MYO10: variants seen among roughly 807,000 people sequenced by gnomAD.
MYO10 encodes myosin X.
Under a neutral mutation model 257.3 loss-of-function variants are expected in MYO10, and 133 were observed. The ratio of observed to expected loss-of-function variants is 0.52; its 90% CI spans 0.45 to 0.60. The LOEUF is 0.60. MYO10 is among the 20% of genes least tolerant of loss of function. The probability of loss-of-function intolerance (pLI) is 0.00; values close to 1 mark genes in which losing one functional copy is unlikely to be tolerated. For missense variants in MYO10, 2,399 were observed against 2,635.7 expected, an observed-to-expected ratio of 0.91 and a Z score of 1.97; for synonymous variants, 1,104 against 1,028.6, an observed-to-expected ratio of 1.07 and a Z score of -1.40.
chr5:16,800,403 A>G (rs908050791), intron 3 of MYO10, among the ~76,000 whole-genome samples: 2 of 152,200 alleles, frequency 1.3e-5, no homozygotes, highest in Non-Finnish European at 2.9e-5. Flanking sequence ...ACTTAAAAAT[A>G]TATTTTTAAA....
At chr5:16,745,458 G>A (rs1740163996) in intron 19 of MYO10, among the ~76,000 whole-genome samples, 1 of 152,210 alleles carries the variant, frequency 6.6e-6, no homozygotes, top group African/African-American at 2.4e-5. Flanking sequence ...GGCCAAAGCA[G>A]GAGAATCGCT....
chr5:16,697,467 C>T (rs1737805119), intron 26 of MYO10, among the ~76,000 whole-genome samples: 1 of 152,112 alleles, frequency 6.6e-6, no homozygotes, highest in Non-Finnish European at 1.5e-5. Flanking sequence ...TTTGGGAGGC[C>T]AAGGAGGGCA....
chr5:16,670,402 GAAT>G, intron 39 of MYO10, 121 bp downstream of exon 39: 4 of 812,224 alleles, frequency 4.9e-6, no homozygotes, highest in Non-Finnish European at 7.6e-6. Context: ...CTGGGGGCTC[GAAT>G]AAAAGAGGTT....
Position 16,711,243 on chromosome 5 carries a change from C to T in MYO10, c.1932G>A (p.Met644Ile), listed in dbSNP as rs1193105460. 2 of 1,564,474 alleles carry T rather than the reference C, an allele frequency of 1.3e-6. No homozygotes were observed. The highest frequency in any genetic ancestry group is 1.7e-6 in the Non-Finnish European group (2 of 1,158,660). ...CAACCGCCTGGTCAAACTGGTCTGG[C>T]ATCTAAACCATGCAAAAAAAAAAGA... is the stretch of plus-strand genomic sequence containing the variant. Reference protein sequence around the residue: ...VRCIKPNMQKMPDQFDQAVVL... With the variant: ...VRCIKPNMQKIPDQFDQAVVL... The change falls in exon 20 of 41, where the codon ATG (methionine) becomes ATA (isoleucine). Residue 644 changes from methionine to isoleucine, a missense_variant and splice_region_variant. Physicochemically the swap from Met to Ile is conservative, Grantham distance 10. Transcript: ENST00000513610.
At position 16,902,782 on chromosome 5, in the gene MYO10, G is replaced by GT. The variant is rs561975180; in HGVS notation, c.22-25076dup. On this transcript the variant is annotated intron_variant, in intron 1 of 40. Coordinates refer to ENST00000513610, the MANE Select transcript of MYO10 (RefSeq NM_012334.3). ...GTCCCAAAGTGCCGGGATTACAGGC[G>GT]TAAGCCACCGTGCCCAGGGCCATCT... 5.3e-4 allele frequency: 329 copies of GT among 623,340 alleles called. 2 individuals carry two copies. Among genetic ancestry groups the GT allele is most frequent in the South Asian group, 5.2e-3 (270 of 51,732 alleles). The allele number at this position is 623,340 out of a possible 1,614,324, so 38.6% of individuals were successfully genotyped here. A position where few individuals can be genotyped will look rare whatever the true frequency, so the allele number is the denominator to read the frequency against.
intron 4 of MYO10, among the ~76,000 whole-genome samples, chr5:16,784,283 A>G (rs1187600815): frequency 6.6e-6 from 1 of 152,238 alleles, no homozygotes; most frequent in African/African-American, 2.4e-5. Flanking sequence ...GGCAGAGAAG[A>G]TGAGCTGAGG....
chr5:16,842,576 C>G (rs371324440), intron 2 of MYO10, among the ~76,000 whole-genome samples: 1 of 152,260 alleles, frequency 6.6e-6, no homozygotes, highest in African/African-American at 2.4e-5. Context: ...GGTAAGAATA[C>G]TTCCCCCTTC....
At chr5:16,932,273 A>G (rs1421155842) in intron 1 of MYO10, among the ~76,000 whole-genome samples, 1 of 152,218 alleles carries the variant, frequency 6.6e-6, no homozygotes, top group African/African-American at 2.4e-5. Flanking sequence ...GAGATCTTGT[A>G]TTTGAACAGA....
chr5:16,669,275 G>A (rs1036203754), intron 39 of MYO10, among the ~76,000 whole-genome samples: 7 of 151,040 alleles, frequency 4.6e-5, no homozygotes, highest in Admixed American at 1.3e-4. Context: ...GTGCAGTGGC[G>A]TGATCCTGGC....
rs929786091 is a variant in MYO10, at chr5:16,665,048, CAA to C, written c.*1642_*1643del. On this transcript the variant is annotated 3_prime_UTR_variant, in exon 41 of 41. Coordinates refer to ENST00000513610, the MANE Select transcript of MYO10 (RefSeq NM_012334.3). ...TGAAACCCCATCTCTACTAAAAATA[CAA>C]AACCTAGCCAGGCGTGGTGATGCAT... 24 of 152,042 alleles carry C rather than the reference CAA, an allele frequency of 1.6e-4. No homozygotes were observed. Among genetic ancestry groups the C allele is most frequent in the Admixed American group, 1.5e-3 (23 of 15,252 alleles). 9.4% of individuals were successfully genotyped at this position (152,042 alleles called of 1,614,324 possible).
rs1170250381 is a variant in MYO10 at position 16,673,682 on chromosome 5, C to T, written c.5172G>A (p.Glu1724=). Residue 1724 remains glutamate (E), a splice_region_variant and synonymous_variant, in exon 36 of 41, where the codon GAG becomes GAA. Coordinates refer to ENST00000513610, the MANE Select transcript of MYO10 (RefSeq NM_012334.3). ...ACAAGCAGCAGCTGCCTCTCCTCAC[C>T]TCCCCAGCGGTGGTGTGGGAGTTGA... ...ITINSHTTAG[E]VVEKLIRGLA... is the part of the protein sequence containing the mutation. 1.2e-6 allele frequency: 2 copies of T among 1,612,742 alleles called. No individual in the cohort carries two copies. The highest frequency in any genetic ancestry group is 1.3e-5 in the African/African-American group (1 of 74,874).
At chr5:16,870,015 T>C (rs1399868696) in intron 2 of MYO10, among the ~76,000 whole-genome samples, 2 of 151,344 alleles carry the variant, frequency 1.3e-5, no homozygotes, top group Non-Finnish European at 2.9e-5. Flanking sequence ...CAATACACTG[T>C]GATCTCCTGA....
intron 9 of MYO10, among the ~76,000 whole-genome samples, chr5:16,772,412 C>T (rs1278895646): frequency 6.6e-6 from 1 of 152,148 alleles, no homozygotes; most frequent in Non-Finnish European, 1.5e-5. Context: ...GGATTATAGG[C>T]GTGAGCCACG....
intron 2 of MYO10, among the ~76,000 whole-genome samples, chr5:16,862,097 T>C (rs1744123513): frequency 6.6e-6 from 1 of 152,122 alleles, no homozygotes; most frequent in Non-Finnish European, 1.5e-5. Flanking sequence ...GAGGAGGTCA[T>C]GGCTTAGAAC....
chr5:16,830,606 T>C (rs1016009246), intron 2 of MYO10, among the ~76,000 whole-genome samples: 17 of 152,004 alleles, frequency 1.1e-4, no homozygotes, highest in African/African-American at 3.9e-4. Flanking sequence ...TGTGGAGTTA[T>C]ACTAAAATGA....
rs70940401 is a variant in MYO10 at position 16,787,609 on chromosome 5, TAAAAAAA to T, written c.468-4147_468-4141del. On this transcript the variant is annotated intron_variant, in intron 4 of 40. Coordinates refer to ENST00000513610, the MANE Select transcript of MYO10 (RefSeq NM_012334.3). ...GAGCTTATATTGTTTTGTTTTGCTT[TAAAAAAA>T]AAAAAAAAAAAAAAAAAACTTTCTA... Among the ~76,000 whole-genome samples, 431 of 124,964 alleles carry T rather than the reference TAAAAAAA, an allele frequency of 3.4e-3. 3 individuals carry two copies. Among genetic ancestry groups the T allele is most frequent in the African/African-American group, 0.011 (387 of 33,844 alleles). 82.0% of individuals were successfully genotyped at this position (124,964 alleles called of 152,430 possible). A position where few individuals can be genotyped will look rare whatever the true frequency, so the allele number is the denominator to read the frequency against.
chr5:16,857,080 A>G (rs1348646355), intron 2 of MYO10, among the ~76,000 whole-genome samples: 2 of 152,164 alleles, frequency 1.3e-5, no homozygotes, highest in Non-Finnish European at 2.9e-5. Context: ...TGCACAATCA[A>G]CTCGCTTTCT....
chr5:16,689,981 A>G, intron 27 of MYO10, 62 bp from the exon 28 acceptor site: 1 of 1,230,800 alleles, frequency 8.1e-7, no homozygotes. Context: ...TAACTGAGGA[A>G]AGCAACTAAT....
At position 16,899,927 on chromosome 5, in the gene MYO10, G is replaced by A. The variant is rs185412021; in HGVS notation, c.22-22220C>T. Among the ~76,000 whole-genome samples the A allele has an allele frequency of 2.1e-3, 310 of 148,732 alleles. 3 individuals are homozygous for A. The highest frequency in any genetic ancestry group is 7.3e-3 in the African/African-American group (293 of 39,944). Reference sequence around the variant, plus strand: ...GCAGGAGAATTGCTTGAACCCAGGAGGCAGAGGTTGCAGTGAGCAGAGATC... The same window carrying A: ...GCAGGAGAATTGCTTGAACCCAGGAAGCAGAGGTTGCAGTGAGCAGAGATC... On this transcript the variant is annotated intron_variant, in intron 1 of 40. Coordinates refer to ENST00000513610, the MANE Select transcript of MYO10 (RefSeq NM_012334.3).
Sources: gnomAD v4.1 joint callset for allele counts (sites outside exome capture counted in the v4.1 genomes callset) on GRCh38, gnomAD v4.1.1 for gene constraint, MANE v1.5 for transcripts, NCBI Gene and HGNC (gene_info 2026-07-23, HGNC 2026-07-21) for gene names.